The following NR1H4 variants were observed in gnomAD, a reference collection of about 807,000 sequenced individuals.
NR1H4 encodes the protein bile acid receptor.
Under a neutral mutation model 58.5 loss-of-function variants are expected in NR1H4, and 23 were observed. The ratio of observed to expected loss-of-function variants is 0.39; its 90% CI spans 0.28 to 0.56. The LOEUF (loss-of-function observed/expected upper bound fraction) is 0.56. NR1H4 is among the 20% of genes least tolerant of loss of function. The pLI is 0.58. For missense variants in NR1H4, 487 were observed against 576.9 expected, an observed-to-expected ratio of 0.84 and a Z score of 1.60; for synonymous variants, 214 against 198.0, an observed-to-expected ratio of 1.08 and a Z score of -0.68.
At chr12:100,542,362 T>G (rs1344242043) in intron 9 of NR1H4, among the ~76,000 whole-genome samples, 1 of 151,978 alleles carries the variant, frequency 6.6e-6, no homozygotes, top group Non-Finnish European at 1.5e-5. Flanking sequence ...AAAAGAAGCT[T>G]TGTGTCTTAA....
chr12:100,508,395 G>T (rs1954021110), intron 3 of NR1H4, among the ~76,000 whole-genome samples: 1 of 152,104 alleles, frequency 6.6e-6, no homozygotes, highest in South Asian at 2.1e-4. Context: ...GCAAGCGGAG[G>T]CCGAGAAGGG....
At chr12:100,482,341 T>C (rs1953399987) in intron 1 of NR1H4, among the ~76,000 whole-genome samples, 1 of 152,202 alleles carries the variant, frequency 6.6e-6, no homozygotes, top group South Asian at 2.1e-4. Flanking sequence ...TATTGTGTTG[T>C]ATGCCTCTAT....
intron 5 of NR1H4, among the ~76,000 whole-genome samples, chr12:100,533,890 C>CTTTTTTTTTTTT (rs758465149): frequency 1.3e-4 from 18 of 143,408 alleles, no homozygotes; most frequent in East Asian, 4.0e-4. Context: ...TAATAGCTCT[C>CTTTTTTTTTTTT]TTTTTTTTTT....
intron 9 of NR1H4, among the ~76,000 whole-genome samples, chr12:100,555,122 G>T (rs1015995007): frequency 1.3e-5 from 2 of 152,106 alleles, no homozygotes; most frequent in African/African-American, 2.4e-5. Context: ...GGTGTGTGGG[G>T]ATTTAGAAAG....
intron 9 of NR1H4, among the ~76,000 whole-genome samples, chr12:100,544,146 G>A (rs1220700113): frequency 6.6e-6 from 1 of 151,650 alleles, no homozygotes; most frequent in Non-Finnish European, 1.5e-5. Context: ...CAGCTACTCG[G>A]GAGGCTGAGG....
chr12:100,562,678 TCAA>T (rs1445312739), intron 10 of NR1H4, among the ~76,000 whole-genome samples: 3 of 152,364 alleles, frequency 2.0e-5, no homozygotes, highest in East Asian at 3.8e-4. Flanking sequence ...AAATGTTTCT[TCAA>T]CAGTTTTTTT....
chr12:100,546,594 C>T (rs746196476), intron 9 of NR1H4, among the ~76,000 whole-genome samples: 1 of 152,064 alleles, frequency 6.6e-6, no homozygotes, highest in Admixed American at 6.6e-5. Flanking sequence ...ACTCAGGAGG[C>T]TGAGGCAGGA....
rs1251445242 is a variant in NR1H4 at position 100,537,003 on chromosome 12, C to G, written c.887C>G (p.Thr296Ser). 1 of 1,604,136 alleles carries G rather than the reference C, an allele frequency of 6.2e-7. No homozygotes were observed. The highest frequency in any genetic ancestry group is 2.2e-5 in the East Asian group (1 of 44,640). Residue 296 changes from threonine to serine, a missense_variant, in exon 8 of 11, where the codon ACC (threonine) becomes AGC (serine). Coordinates refer to ENST00000392986, the MANE Select transcript of NR1H4 (RefSeq NM_001206979.2). ...TTTCTCATTTTGACGGAAATGGCAA[C>G]CAATCATGTACAGGTTCTTGTAGAA... The part of the protein sequence containing the change: ...ENFLILTEMA[T>S]NHVQVLVEFT...
Position 100,553,583 on chromosome 12 carries a change from C to T in NR1H4, c.1079-8302C>T, listed in dbSNP as rs188774258. On this transcript the variant is annotated intron_variant, in intron 9 of 10. Transcript: ENST00000392986. ...GGGGAGCTGTCAGAATGCTCTTGGC[C>T]GATAGCTACAGAAAATAAACTCATT... Among the ~76,000 whole-genome samples the T allele has an allele frequency of 5.3e-5, 8 of 152,056 alleles. No individual in the cohort carries two copies. In the East Asian group the frequency reaches 7.7e-4, roughly 15 times the overall value.
At chr12:100,541,456 A>AT (rs1373299232) in intron 9 of NR1H4, among the ~76,000 whole-genome samples, 1 of 151,584 alleles carries the variant, frequency 6.6e-6, no homozygotes, top group Non-Finnish European at 1.5e-5. Flanking sequence ...TAATTTTGGT[A>AT]TTTTTAGTAG....
At chr12:100,531,181 C>T (rs999247321) in intron 4 of NR1H4, among the ~76,000 whole-genome samples, 1 of 152,176 alleles carries the variant, frequency 6.6e-6, no homozygotes, top group Non-Finnish European at 1.5e-5. Context: ...TGAGGCTGGG[C>T]GTGGTGGCTC....
intron 9 of NR1H4, among the ~76,000 whole-genome samples, chr12:100,547,717 ATTTAT>A (rs1019046213): frequency 2.6e-5 from 4 of 151,162 alleles, no homozygotes; most frequent in Non-Finnish European, 4.4e-5. Flanking sequence ...TTATTTATTT[ATTTAT>A]TTATTTATTT....
At chr12:100,515,796 A>G (rs1349791774) in intron 4 of NR1H4, among the ~76,000 whole-genome samples, 1 of 152,218 alleles carries the variant, frequency 6.6e-6, no homozygotes, top group Non-Finnish European at 1.5e-5. Flanking sequence ...TGATGCTCAA[A>G]TCATCGTGAG....
intron 10 of NR1H4, among the ~76,000 whole-genome samples, chr12:100,562,718 A>G (rs1294579293): frequency 6.6e-6 from 1 of 152,004 alleles, no homozygotes; most frequent in Middle Eastern, 3.2e-3. Context: ...ACCTCTTTCC[A>G]TATTTTTTTC....
intron 9 of NR1H4, among the ~76,000 whole-genome samples, chr12:100,547,044 T>C (rs1955087410): frequency 6.6e-6 from 1 of 152,182 alleles, no homozygotes; most frequent in Admixed American, 6.5e-5. Flanking sequence ...CCCTTTTCTC[T>C]AGCCAATTCA....
At chr12:100,560,497 C>A (rs1221881986) in intron 9 of NR1H4, among the ~76,000 whole-genome samples, 1 of 152,116 alleles carries the variant, frequency 6.6e-6, no homozygotes, top group Non-Finnish European at 1.5e-5. Context: ...GCCTTAAGAG[C>A]TGTAACACTC....
chr12:100,516,465 C>G (rs575404076), intron 4 of NR1H4, among the ~76,000 whole-genome samples: 59 of 152,076 alleles, frequency 3.9e-4, no homozygotes, highest in Admixed American at 1.8e-3. Flanking sequence ...CTCCCGGGTT[C>G]ACGCCATTCT....
At chr12:100,561,826 T>C in intron 9 of NR1H4, 59 bp from the exon 10 acceptor site, 1 of 783,310 alleles carries the variant, frequency 1.3e-6, no homozygotes, top group Non-Finnish European at 2.3e-6. Context: ...AATGTGTTTC[T>C]AGTTTTACAC....
chr12:100,551,296 C>G (rs1955197936), intron 9 of NR1H4, among the ~76,000 whole-genome samples: 1 of 152,184 alleles, frequency 6.6e-6, no homozygotes, highest in South Asian at 2.1e-4. Flanking sequence ...TAGTACCATA[C>G]TAAAATATAC....
Sources: allele counts gnomAD v4.1 joint callset (sites outside exome capture counted in the v4.1 genomes callset), GRCh38; gene constraint gnomAD v4.1.1; transcripts MANE v1.5; gene names NCBI Gene and HGNC (gene_info 2026-07-23, HGNC 2026-07-21).